RIN3: variants seen among roughly 807,000 people sequenced by gnomAD.
RIN3 encodes Ras and Rab interactor 3.
Under a neutral mutation model 76.3 loss-of-function variants are expected in RIN3, and 54 were observed. The ratio of observed to expected loss-of-function variants is 0.71; its 90% CI spans 0.57 to 0.89. RIN3 has a LOEUF of 0.89. Ranked by LOEUF, RIN3 falls within the 40% of genes least tolerant of loss-of-function variation. The probability of loss-of-function intolerance (pLI) is 0.00; values close to 1 mark genes in which losing one functional copy is unlikely to be tolerated. For missense variants in RIN3, 1,256 were observed against 1,322.1 expected (o/e 0.95, Z 0.78); for synonymous variants, 576 against 564.0 (o/e 1.02, Z -0.30).
chr14:92,625,218 C>G (rs1323078626), intron 4 of RIN3, among the ~76,000 whole-genome samples: 1 of 152,112 alleles, frequency 6.6e-6, no homozygotes, highest in Non-Finnish European at 1.5e-5. Flanking sequence ...CAGTTCGGAT[C>G]CTGAGTAGAG....
intron 3 of RIN3, among the ~76,000 whole-genome samples, chr14:92,595,061 A>G (rs564430916): frequency 1.6e-4 from 24 of 152,364 alleles, no homozygotes; most frequent in Admixed American, 7.8e-4. Flanking sequence ...ATTCATTGAT[A>G]ACATATTCAT....
At chr14:92,616,378 G>A (rs1885966611) in intron 4 of RIN3, among the ~76,000 whole-genome samples, 1 of 152,128 alleles carries the variant, frequency 6.6e-6, no homozygotes, top group Non-Finnish European at 1.5e-5. Context: ...GGTTACTTGG[G>A]GTACACCCTA....
At chr14:92,653,207 A>G (rs1053545119) in intron 6 of RIN3, 132 bp downstream of exon 6, 13 of 988,310 alleles carry the variant, frequency 1.3e-5, no homozygotes, top group Non-Finnish European at 1.9e-5. Flanking sequence ...CCTGGGCACC[A>G]GGAACTTTCT....
chr14:92,630,028 T>G (rs1202751070), intron 4 of RIN3, among the ~76,000 whole-genome samples: 1 of 152,186 alleles, frequency 6.6e-6, no homozygotes, highest in African/African-American at 2.4e-5. Context: ...AGCCTAACAG[T>G]GTTTGGCACA....
At chr14:92,547,057 TA>T in intron 1 of RIN3, among the ~76,000 whole-genome samples, 3 of 115,688 alleles carry the variant, frequency 2.6e-5, no homozygotes, top group Non-Finnish European at 5.8e-5. Flanking sequence ...TATAATAAAA[TA>T]AATTATATTT....
At chr14:92,636,116 C>G (rs1339134710) in intron 4 of RIN3, among the ~76,000 whole-genome samples, 1 of 152,056 alleles carries the variant, frequency 6.6e-6, no homozygotes, top group Admixed American at 6.5e-5. Context: ...CTTTGTGGAG[C>G]TGGTAAGAGG....
chr14:92,574,742 AG>A (rs1898169900), intron 2 of RIN3, among the ~76,000 whole-genome samples: 1 of 151,880 alleles, frequency 6.6e-6, no homozygotes, highest in African/African-American at 2.4e-5. Flanking sequence ...GCTGGAGGAG[AG>A]GGGCTGCTAA....
chr14:92,620,579 A>C (rs1007065901), intron 4 of RIN3, among the ~76,000 whole-genome samples: 20 of 152,246 alleles, frequency 1.3e-4, no homozygotes, highest in African/African-American at 4.8e-4. Context: ...TCACAGAACC[A>C]AATGAAAGCC....
rs747371102 is a variant in RIN3 at position 92,656,417 on chromosome 14, G to A, written c.2027-2744G>A. ...ACAGGGGGACGGCTCAGGAGGCTGCGGCGGGGCAAGGCCAGTACCCGGTGG... is the reference window on the plus strand; with the variant it reads ...ACAGGGGGACGGCTCAGGAGGCTGCAGCGGGGCAAGGCCAGTACCCGGTGG... On this transcript the variant is annotated intron_variant, in intron 6 of 9. Coordinates refer to ENST00000216487, the MANE Select transcript of RIN3 (RefSeq NM_024832.5). The surrounding 1 kb of genome is among the most constrained non-coding windows in gnomAD (Gnocchi z 5.2). Among the ~76,000 whole-genome samples, 9 of 152,182 alleles carry A rather than the reference G, an allele frequency of 5.9e-5. No homozygotes were observed. The highest frequency in any genetic ancestry group is 7.2e-5 in the African/African-American group (3 of 41,444).
chr14:92,564,003 A>G (rs191436736), intron 2 of RIN3, among the ~76,000 whole-genome samples: 5 of 152,226 alleles, frequency 3.3e-5, no homozygotes, highest in African/African-American at 1.2e-4. Flanking sequence ...TGGACTGTCA[A>G]CCTCTGCAGG....
intron 3 of RIN3, among the ~76,000 whole-genome samples, chr14:92,601,884 CCAGA>C (rs753880841): frequency 1.3e-5 from 2 of 152,232 alleles, no homozygotes; most frequent in African/African-American, 4.8e-5. Flanking sequence ...TAAATAGCTC[CCAGA>C]CAAAGTCCTG....
chr14:92,554,164 G>T (rs1305312332), intron 1 of RIN3, among the ~76,000 whole-genome samples: 1 of 152,156 alleles, frequency 6.6e-6, no homozygotes, highest in Non-Finnish European at 1.5e-5. Context: ...GAGAGACTTG[G>T]TGCCTTAGGT....
rs928119763 is a variant in RIN3, at chr14:92,656,575, C to T, written c.2027-2586C>T. Among the ~76,000 whole-genome samples, 2 of 152,206 alleles carry T rather than the reference C, an allele frequency of 1.3e-5. No homozygotes were observed. The highest frequency in any genetic ancestry group is 2.4e-5 in the African/African-American group (1 of 41,450). On this transcript the variant is annotated intron_variant, in intron 6 of 9. Coordinates refer to ENST00000216487, the MANE Select transcript of RIN3 (RefSeq NM_024832.5). The surrounding 1 kb of genome is among the most constrained non-coding windows in gnomAD (Gnocchi z 5.2). ...GGTCCTGTTAAGGCCAAATCTGCTT[C>T]GGGCACCAAGATGTCAAGAGGTGCT...
intron 3 of RIN3, among the ~76,000 whole-genome samples, chr14:92,606,072 G>T (rs948284975): frequency 6.7e-6 from 1 of 149,758 alleles, no homozygotes; most frequent in South Asian, 2.1e-4. Context: ...TTGGGAGGCT[G>T]CAGTGAGAGC....
rs151166960 is a variant in RIN3 at position 92,527,527 on chromosome 14, G to A, written c.44+13551G>A. Among the ~76,000 whole-genome samples the A allele has an allele frequency of 7.3e-3, 1,114 of 152,236 alleles. 11 individuals are homozygous for A. The highest frequency in any genetic ancestry group is 0.025 in the African/African-American group (1,057 of 41,526). ...GATGTGATGGGACCTGTAACAAACTGTAATTTACACGGAGTAAAAGTCACT... is the reference window on the plus strand; with the variant it reads ...GATGTGATGGGACCTGTAACAAACTATAATTTACACGGAGTAAAAGTCACT... On this transcript the variant is annotated intron_variant, in intron 1 of 9. Transcript: ENST00000216487.
At chr14:92,555,569 G>A (rs575809655) in intron 1 of RIN3, among the ~76,000 whole-genome samples, 182 bp from the exon 2 acceptor site, 101 of 152,184 alleles carry the variant, frequency 6.6e-4, no homozygotes, top group Non-Finnish European at 9.9e-4. Context: ...GTGGGCTGAC[G>A]TGTGTTTCCT....
intron 4 of RIN3, among the ~76,000 whole-genome samples, chr14:92,636,145 C>T (rs987972298): frequency 2.0e-5 from 3 of 151,946 alleles, no homozygotes; most frequent in Non-Finnish European, 2.9e-5. Flanking sequence ...AGCTAATATA[C>T]GTAAAGTGCT....
chr14:92,670,623 C>T (rs1437005244), intron 7 of RIN3, among the ~76,000 whole-genome samples: 1 of 152,228 alleles, frequency 6.6e-6, no homozygotes. Context: ...GATACTTTCT[C>T]ACCAACGTCA....
chr14:92,561,407 G>A (rs1041801067), intron 2 of RIN3, among the ~76,000 whole-genome samples: 6 of 151,348 alleles, frequency 4.0e-5, no homozygotes, highest in African/African-American at 1.5e-4. Flanking sequence ...AAGGTTTTGG[G>A]AACATATTGG....
Sources: gnomAD v4.1 joint callset for allele counts (sites outside exome capture counted in the v4.1 genomes callset) on GRCh38, gnomAD v4.1.1 for gene constraint, Gnocchi (gnomAD v3.1) non-coding constraint, MANE v1.5 for transcripts, NCBI Gene and HGNC (gene_info 2026-07-23, HGNC 2026-07-21) for gene names.